MCAM: variants seen among roughly 807,000 people sequenced by gnomAD.
MCAM encodes the protein cell surface glycoprotein MUC18.
A neutral mutation model predicts 79.1 loss-of-function variants in MCAM; 55 were observed. The observed-to-expected ratio is 0.70, with a 90% CI of 0.56 to 0.87. The LOEUF (loss-of-function observed/expected upper bound fraction) is 0.87. Among genes scored for constraint, MCAM ranks in the 40% least tolerant of loss-of-function variants. The pLI is 0.00. For synonymous variants in MCAM, 330 were observed against 339.8 expected, an observed-to-expected ratio of 0.97 and a Z score of 0.32; for missense variants, 745 against 839.8, an observed-to-expected ratio of 0.89 and a Z score of 1.40.
At position 119,311,276 on chromosome 11, in the gene MCAM, T is replaced by C; in HGVS notation, c.1549+4A>G. On this transcript the variant is annotated splice_donor_region_variant and intron_variant, in intron 12 of 15. Transcript: ENST00000264036. This position sits in a 1 kb window ranked among gnomAD's most constrained non-coding sequence, Gnocchi z 4.4. The stretch of plus-strand genomic sequence containing the variant: ...GCCATCCCCTGCAGGGATGCAGCCC[T>C]CACCCAGCTCCAGGAAGAGGATGCT... 6.2e-7 allele frequency: 1 copy of C among 1,614,128 alleles called. No individual in the cohort carries two copies. Among genetic ancestry groups the C allele is most frequent in the Non-Finnish European group, 8.5e-7 (1 of 1,179,970 alleles).
chr11:119,316,952 C>T lies in MCAM; in HGVS notation c.67+83G>A. Reference sequence around the variant, plus strand: ...TCCTCCCAGACGCAACGCCCCGACCCCGCCGCGCCGCTGGCTCTGCTCCCT... The same window carrying T: ...TCCTCCCAGACGCAACGCCCCGACCTCGCCGCGCCGCTGGCTCTGCTCCCT... On this transcript the variant is annotated intron_variant, in intron 1 of 15. Transcript: ENST00000264036. The surrounding 1 kb of genome is among the most constrained non-coding windows in gnomAD (Gnocchi z 4.8). 3 of 1,279,504 alleles carry T rather than the reference C, an allele frequency of 2.3e-6. No homozygotes were observed. The East Asian group carries it at 8.8e-5, about 37-fold the overall frequency. 79.3% of individuals were successfully genotyped at this position (1,279,504 alleles called of 1,614,324 possible). A position where few individuals can be genotyped will look rare whatever the true frequency, so the allele number is the denominator to read the frequency against.
chr11:119,311,205 G>A lies in MCAM; in HGVS notation c.1550-20C>T. 1 of 1,613,260 alleles carries A rather than the reference G, an allele frequency of 6.2e-7. No individual in the cohort carries two copies. The highest frequency in any genetic ancestry group is 8.5e-7 in the Non-Finnish European group (1 of 1,179,290). The stretch of plus-strand genomic sequence containing the variant: ...AATTGACTAGGAGGCAGAGGGAGGG[G>A]TGTTAGGAGAAGCGCAAGTTACTGC... On this transcript the variant is annotated intron_variant, in intron 12 of 15. Transcript: ENST00000264036. This position sits in a 1 kb window ranked among gnomAD's most constrained non-coding sequence, Gnocchi z 4.4.
intron 5 of MCAM, chr11:119,314,100 A>ATT (rs1241310135): frequency 1.1e-6 from 1 of 902,360 alleles, no homozygotes; most frequent in South Asian, 5.0e-5. Context: ...CATTTGTATA[A>ATT]TTTTTTTAAG....
chr11:119,315,398 A>AC lies in MCAM; in HGVS notation c.68-136dup, dbSNP rs146710662. On this transcript the variant is annotated intron_variant, in intron 1 of 15. Coordinates refer to ENST00000264036, the MANE Select transcript of MCAM (RefSeq NM_006500.3). This position sits in a 1 kb window ranked among gnomAD's most constrained non-coding sequence, Gnocchi z 4.4. ...GAGGGCCCTGTCCTCTGAACGCTCTACCCCCACCCCGACCCGCGCCCCACC... is the reference window on the plus strand; with the variant it reads ...GAGGGCCCTGTCCTCTGAACGCTCTACCCCCCACCCCGACCCGCGCCCCACC... 1.6e-3 allele frequency: 1,889 copies of AC among 1,173,684 alleles called. 26 individuals are homozygous for AC. The African/African-American group carries it at 0.026, about 16-fold the overall frequency. The allele number at this position is 1,173,684 out of a possible 1,614,324, so 72.7% of individuals were successfully genotyped here. A position where few individuals can be genotyped will look rare whatever the true frequency, so the allele number is the denominator to read the frequency against.
Position 119,312,817 on chromosome 11 carries a change from C to T in MCAM, c.692G>A (p.Ser231Asn). Residue 231 changes from serine to asparagine, a missense_variant, in exon 6 of 16, where the codon AGT (serine) becomes AAT (asparagine). Ser to Asn is a conservative substitution (Grantham distance 46). Coordinates refer to ENST00000264036, the MANE Select transcript of MCAM (RefSeq NM_006500.3). The surrounding 1 kb of genome is among the most constrained non-coding windows in gnomAD (Gnocchi z 4.9). ...FYCELNYRLP[S>N]GNHMKESREV... ...CCTGGACTCCTTCATGTGGTTCCCA[C>T]TGGGCAGCCGGTAGTTGAGCTCACA... The T allele has an allele frequency of 1.2e-6, 2 of 1,614,218 alleles. No individual in the cohort carries two copies. Among genetic ancestry groups the T allele is most frequent in the Non-Finnish European group, 1.7e-6 (2 of 1,180,046 alleles).
At position 119,315,085 on chromosome 11, in the gene MCAM, A is replaced by G; in HGVS notation, c.193-45T>C. ...AGGAGGAGAAGGGTCCTGGGCTACAAGAGGGGCAGAGTCTCCCTCCCCGGG... is the reference window on the plus strand; with the variant it reads ...AGGAGGAGAAGGGTCCTGGGCTACAGGAGGGGCAGAGTCTCCCTCCCCGGG... On this transcript the variant is annotated intron_variant, in intron 2 of 15. Transcript: ENST00000264036. The surrounding 1 kb of genome is among the most constrained non-coding windows in gnomAD (Gnocchi z 4.4). 1.2e-6 allele frequency: 2 copies of G among 1,611,524 alleles called. No homozygotes were observed. Among genetic ancestry groups the G allele is most frequent in the Non-Finnish European group, 8.5e-7 (1 of 1,179,778 alleles).
At position 119,311,472 on chromosome 11, in the gene MCAM, C is replaced by T. The variant is rs1394244686; in HGVS notation, c.1408-51G>A. The T allele has an allele frequency of 2.5e-6, 4 of 1,613,412 alleles. No homozygotes were observed. Among genetic ancestry groups the T allele is most frequent in the South Asian group, 1.1e-5 (1 of 91,074 alleles). On this transcript the variant is annotated intron_variant, in intron 11 of 15. Transcript: ENST00000264036. The surrounding 1 kb of genome is among the most constrained non-coding windows in gnomAD (Gnocchi z 4.4). The stretch of plus-strand genomic sequence containing the variant: ...CAGGGGATGGGGAGGATCTCTGGTC[C>T]TGGCCACAAAGCGCAGGCAGGGATT...
Position 119,315,781 on chromosome 11 carries a change from CAT to C in MCAM, c.68-520_68-519del. 1 of 173,114 alleles carries C rather than the reference CAT, an allele frequency of 5.8e-6. No homozygotes were observed. The highest frequency in any genetic ancestry group is 1.3e-5 in the Non-Finnish European group (1 of 79,042). The allele number at this position is 173,114 out of a possible 1,614,324, so 10.7% of individuals were successfully genotyped here. A position where few individuals can be genotyped will look rare whatever the true frequency, so the allele number is the denominator to read the frequency against. ...TCTCATGCTCCCTCAGCAGCACCTC[CAT>C]GAACACTCCGCACACACCCGCGGAC... On this transcript the variant is annotated intron_variant, in intron 1 of 15. Transcript: ENST00000264036. This position sits in a 1 kb window ranked among gnomAD's most constrained non-coding sequence, Gnocchi z 4.4.
chr11:119,311,344 T>C lies in MCAM; in HGVS notation c.1485A>G (p.Thr495=). ...NVLVTPELLE[T]GVECTASNDL... Reference sequence around the variant, plus strand: ...CGTTGGAGGCCGTGCATTCAACACCTGTCTCCAACAGCTCCGGGGTCACGA... The same window carrying C: ...CGTTGGAGGCCGTGCATTCAACACCCGTCTCCAACAGCTCCGGGGTCACGA... The change falls in exon 12 of 16, where the codon ACA becomes ACG. Residue 495 remains threonine, a synonymous_variant. Coordinates refer to ENST00000264036, the MANE Select transcript of MCAM (RefSeq NM_006500.3). This position sits in a 1 kb window ranked among gnomAD's most constrained non-coding sequence, Gnocchi z 4.4. The C allele has an allele frequency of 6.2e-7, 1 of 1,614,224 alleles. No individual in the cohort carries two copies. Among genetic ancestry groups the C allele is most frequent in the East Asian group, 2.2e-5 (1 of 44,884 alleles).
chr11:119,310,794 C>T lies in MCAM; in HGVS notation c.1755G>A (p.Lys585=), dbSNP rs778144253. 4 of 1,614,132 alleles carry T rather than the reference C, an allele frequency of 2.5e-6. No homozygotes were observed. In the South Asian group the frequency reaches 4.4e-5, roughly 18 times the overall value. ...CTGAGCGCCTGCACGGCAGCTTGCCCTTCTTATAGAGGAAATAGAGGACAG... is the reference window on the plus strand; with the variant it reads ...CTGAGCGCCTGCACGGCAGCTTGCCTTTCTTATAGAGGAAATAGAGGACAG... ...LGAVLYFLYK[K]GKLPCRRSGK... The change falls in exon 14 of 16, where the codon AAG becomes AAA. Residue 585 remains lysine, a synonymous_variant. Transcript: ENST00000264036.
rs1950305628 is a variant in MCAM, at chr11:119,315,842, CAG to C, written c.68-581_68-580del. 6.3e-6 allele frequency: 1 copy of C among 159,806 alleles called. No homozygotes were observed. Among genetic ancestry groups the C allele is most frequent in the African/African-American group, 2.4e-5 (1 of 41,610 alleles). The allele number at this position is 159,806 out of a possible 1,614,324, so 9.9% of individuals were successfully genotyped here. A position where few individuals can be genotyped will look rare whatever the true frequency, so the allele number is the denominator to read the frequency against. On this transcript the variant is annotated intron_variant, in intron 1 of 15. Transcript: ENST00000264036. This position sits in a 1 kb window ranked among gnomAD's most constrained non-coding sequence, Gnocchi z 4.4. ...AGGTAGCTGGTAAGGATGGAGAGGTCAGAGTCTCCCCCAGGGGTCAGGGCAAG... is the reference window on the plus strand; with the variant it reads ...AGGTAGCTGGTAAGGATGGAGAGGTCAGTCTCCCCCAGGGGTCAGGGCAAG...
intron 5 of MCAM, 21 bp downstream of exon 5, chr11:119,314,468 T>C (rs1235581373): frequency 6.2e-7 from 1 of 1,609,878 alleles, no homozygotes. Context: ...AGGGTGGCTT[T>C]TGGGAGAAAG....
In MCAM at chr11:119,311,290, G is replaced by A. The variant is rs1252290545; in HGVS notation, c.1539C>T (p.Phe513=). The part of the protein sequence containing the change: ...NDLGKNTSIL[F]LELVNLTTLT... ...GGATGCAGCCCTCACCCAGCTCCAG[G>A]AAGAGGATGCTGGTGTTTTTGCCCA... is the stretch of plus-strand genomic sequence containing the variant. The change falls in exon 12 of 16, where the codon TTC becomes TTT. Residue 513 remains phenylalanine (F), a synonymous_variant. Transcript: ENST00000264036. The surrounding 1 kb of genome is among the most constrained non-coding windows in gnomAD (Gnocchi z 4.4). The A allele has an allele frequency of 6.2e-7, 1 of 1,614,198 alleles. No homozygotes were observed. Among genetic ancestry groups the A allele is most frequent in the Non-Finnish European group, 8.5e-7 (1 of 1,180,012 alleles).
chr11:119,316,925 C>T lies in MCAM; in HGVS notation c.67+110G>A. On this transcript the variant is annotated intron_variant, in intron 1 of 15. Transcript: ENST00000264036. The surrounding 1 kb of genome is among the most constrained non-coding windows in gnomAD (Gnocchi z 4.8). ...GGATCGGGGACCCAGGGAGGAGGCT[C>T]GTCCTCCCAGACGCAACGCCCCGAC... 2.2e-6 allele frequency: 2 copies of T among 906,670 alleles called. No homozygotes were observed. The highest frequency in any genetic ancestry group is 3.2e-6 in the Non-Finnish European group (2 of 624,970). The allele number at this position is 906,670 out of a possible 1,614,324, so 56.2% of individuals were successfully genotyped here. A position where few individuals can be genotyped will look rare whatever the true frequency, so the allele number is the denominator to read the frequency against.
rs778141461 is a variant in MCAM, at chr11:119,315,278, C to G, written c.68-15G>C. 1.2e-6 allele frequency: 2 copies of G among 1,602,106 alleles called. No homozygotes were observed. The highest frequency in any genetic ancestry group is 2.2e-5 in the East Asian group (1 of 44,792). ...TCCGGGCACACCTGGGGGAGGGAGG[C>G]GGGGCCCCCGCAGCTGTGTCAGCTC... On this transcript the variant is annotated splice_polypyrimidine_tract_variant and intron_variant, in intron 1 of 15. Transcript: ENST00000264036. This position sits in a 1 kb window ranked among gnomAD's most constrained non-coding sequence, Gnocchi z 4.4.
chr11:119,311,853 T>C lies in MCAM; in HGVS notation c.1240A>G (p.Ile414Val). ...GYRCVASVPSIPGLNRTQLVN... is the reference protein window; with the variant it reads ...GYRCVASVPSVPGLNRTQLVN... The stretch of plus-strand genomic sequence containing the variant: ...AGCTGTGTGCGGTTCAGGCCGGGTA[T>C]GCTGGGCACAGACGCCACGCAGCGA... The change falls in exon 10 of 16, where the codon ATA becomes GTA. Residue 414 changes from isoleucine (I) to valine (V), a missense_variant. Physicochemically the swap from Ile to Val is conservative, Grantham distance 29 (BLOSUM62 3). Coordinates refer to ENST00000264036, the MANE Select transcript of MCAM (RefSeq NM_006500.3). The surrounding 1 kb of genome is among the most constrained non-coding windows in gnomAD (Gnocchi z 4.4). The C allele has an allele frequency of 6.2e-7, 1 of 1,614,132 alleles. No homozygotes were observed.
intron 5 of MCAM, chr11:119,314,265 C>T (rs1044669418): frequency 4.6e-5 from 25 of 538,226 alleles, no homozygotes; most frequent in Non-Finnish European, 7.3e-5. Flanking sequence ...ATATGATCCT[C>T]CTGCCTCAGC....
rs770428433 is a variant in MCAM at position 119,311,981 on chromosome 11, A to T, written c.1144-32T>A. On this transcript the variant is annotated intron_variant, in intron 9 of 15. Coordinates refer to ENST00000264036, the MANE Select transcript of MCAM (RefSeq NM_006500.3). The surrounding 1 kb of genome is among the most constrained non-coding windows in gnomAD (Gnocchi z 4.4). Reference sequence around the variant, plus strand: ...TGAGAGATGGGTCAGAGGGTCTGGGAAAGAGCACATTCTTGTCACCGCCAG... The same window carrying T: ...TGAGAGATGGGTCAGAGGGTCTGGGTAAGAGCACATTCTTGTCACCGCCAG... 2 of 1,612,408 alleles carry T rather than the reference A, an allele frequency of 1.2e-6. No individual in the cohort carries two copies.
chr11:119,313,301 A>G (rs1950262051), intron 5 of MCAM: 1 of 1,332,566 alleles, frequency 7.5e-7, no homozygotes, highest in Non-Finnish European at 9.8e-7. Flanking sequence ...AGTTGATCTA[A>G]ATAGACTGAC....
Sources: allele counts gnomAD v4.1 joint callset, GRCh38; gene constraint gnomAD v4.1.1; non-coding constraint Gnocchi (gnomAD v3.1); transcripts MANE v1.5; gene names NCBI Gene and HGNC (gene_info 2026-07-23, HGNC 2026-07-21).